MAD1L1: variants seen among roughly 807,000 people sequenced by gnomAD.
MAD1L1 encodes mitotic arrest deficient 1 like 1, also known as mitotic spindle assembly checkpoint protein MAD1.
A neutral mutation model predicts 96.9 loss-of-function variants in MAD1L1; 95 were observed. The ratio of observed to expected loss-of-function variants is 0.98; its 90% CI spans 0.83 to 1.16. The LOEUF (loss-of-function observed/expected upper bound fraction) is 1.16. MAD1L1 is among the 50% of genes most tolerant of loss of function. MAD1L1 has a pLI of 0.00. For missense variants in MAD1L1, 1,007 were observed against 954.4 expected (o/e 1.06, Z -0.73); for synonymous variants, 473 against 396.6 (o/e 1.19, Z -2.29).
chr7:2,073,580 T>A (rs1360241275), intron 11 of MAD1L1, among the ~76,000 whole-genome samples: 1 of 152,218 alleles, frequency 6.6e-6, no homozygotes, highest in African/African-American at 2.4e-5. Flanking sequence ...CCTCCGCCAC[T>A]CTCGCCTCTC....
chr7:2,094,153 GGTGGCCTCA>G (rs1786355405), intron 11 of MAD1L1, among the ~76,000 whole-genome samples: 1 of 152,216 alleles, frequency 6.6e-6, no homozygotes, highest in Non-Finnish European at 1.5e-5. Flanking sequence ...GCTGGGAACA[GGTGGCCTCA>G]ACGCCAGCCA....
In MAD1L1 at chr7:1,968,178, G is replaced by T. The variant is rs540570602; in HGVS notation, c.1506-10459C>A. Among the ~76,000 whole-genome samples, 1 of 152,356 alleles carries T rather than the reference G, an allele frequency of 6.6e-6. No individual in the cohort carries two copies. Among genetic ancestry groups the T allele is most frequent in the South Asian group, 2.1e-4 (1 of 4,830 alleles). Reference sequence around the variant, plus strand: ...AAGTGCAAACAGCTTCGCGGACGAGGCACCCGGCAGAGCACGCCTCAATCC... The same window carrying T: ...AAGTGCAAACAGCTTCGCGGACGAGTCACCCGGCAGAGCACGCCTCAATCC... On this transcript the variant is annotated intron_variant, in intron 15 of 18. Coordinates refer to ENST00000265854, the MANE Select transcript of MAD1L1 (RefSeq NM_001013836.2). The surrounding 1 kb of genome is among the most constrained non-coding windows in gnomAD (Gnocchi z 5.6).
chr7:2,047,962 A>G (rs1784002721), intron 12 of MAD1L1, among the ~76,000 whole-genome samples: 1 of 152,184 alleles, frequency 6.6e-6, no homozygotes, highest in African/African-American at 2.4e-5. Context: ...ACACGTGCAC[A>G]CTCACATGAT....
chr7:2,164,650 C>CA (rs1236032805), intron 10 of MAD1L1, among the ~76,000 whole-genome samples: 4 of 147,774 alleles, frequency 2.7e-5, no homozygotes, highest in African/African-American at 7.5e-5. Context: ...ACAGTTGCAC[C>CA]AAAAAAAAAT....
chr7:2,150,010 TC>T (rs1789491433), intron 10 of MAD1L1, among the ~76,000 whole-genome samples: 2 of 152,152 alleles, frequency 1.3e-5, no homozygotes, highest in Admixed American at 1.3e-4. Flanking sequence ...CGAGGACCCA[TC>T]CTTGTTCTTC....
chr7:1,992,788 G>A (rs1465953930), intron 14 of MAD1L1, among the ~76,000 whole-genome samples: 2 of 152,220 alleles, frequency 1.3e-5, no homozygotes, highest in African/African-American at 2.4e-5. Flanking sequence ...CAGGACAGGT[G>A]GATGTGAGGA....
At chr7:2,051,930 G>A (rs978429688) in intron 12 of MAD1L1, among the ~76,000 whole-genome samples, 1 of 152,092 alleles carries the variant, frequency 6.6e-6, no homozygotes, top group African/African-American at 2.4e-5. Flanking sequence ...TCACTGGGAA[G>A]TCTTTTGTTA....
chr7:2,225,233 A>G (rs1186435107), intron 4 of MAD1L1, among the ~76,000 whole-genome samples, 177 bp downstream of exon 4: 1 of 38,906 alleles, frequency 2.6e-5, no homozygotes, highest in Non-Finnish European at 8.9e-5. Flanking sequence ...GGTACCGTGC[A>G]CAGCCCCCTT....
intron 17 of MAD1L1, among the ~76,000 whole-genome samples, chr7:1,923,282 G>A (rs1477273723): frequency 6.6e-6 from 1 of 152,218 alleles, no homozygotes; most frequent in African/African-American, 2.4e-5. Flanking sequence ...CTGGTTGGGT[G>A]TTTGCCCTGG....
chr7:2,183,153 C>A (rs1360409230), intron 10 of MAD1L1, among the ~76,000 whole-genome samples: 1 of 151,578 alleles, frequency 6.6e-6, no homozygotes, highest in Non-Finnish European at 1.5e-5. Context: ...TTAGAGGCTG[C>A]TGTGAACTAT....
intron 11 of MAD1L1, among the ~76,000 whole-genome samples, chr7:2,094,831 G>A (rs1786400115): frequency 6.6e-6 from 1 of 152,218 alleles, no homozygotes; most frequent in African/African-American, 2.4e-5. Flanking sequence ...CAGGGCGATG[G>A]GAACTGGGTG....
intron 12 of MAD1L1, among the ~76,000 whole-genome samples, chr7:2,039,840 T>C (rs1339920209): frequency 6.6e-6 from 1 of 152,132 alleles, no homozygotes; most frequent in Non-Finnish European, 1.5e-5. Flanking sequence ...ACAGGAACTT[T>C]CACGGGGCAA....
At chr7:2,210,384 T>C (rs1471110647) in intron 10 of MAD1L1, among the ~76,000 whole-genome samples, 2 of 151,954 alleles carry the variant, frequency 1.3e-5, no homozygotes, top group Non-Finnish European at 2.9e-5. Context: ...AATGCACACG[T>C]TTACCAAACC....
chr7:1,849,001 G>A (rs1946873992), intron 18 of MAD1L1: 1 of 153,718 alleles, frequency 6.5e-6, no homozygotes, highest in Non-Finnish European at 1.5e-5. Context: ...GCACAGAGGC[G>A]ACGGCATGTA....
At chr7:1,887,734 T>G (rs893743307) in intron 18 of MAD1L1, among the ~76,000 whole-genome samples, 34 of 151,196 alleles carry the variant, frequency 2.2e-4, no homozygotes, top group Non-Finnish European at 4.4e-4. Flanking sequence ...TGCATGTATG[T>G]GGCTTCCTGT....
chr7:1,987,458 C>T (rs557223349), intron 14 of MAD1L1, among the ~76,000 whole-genome samples: 165 of 152,288 alleles, frequency 1.1e-3, no homozygotes, highest in Non-Finnish European at 2.0e-3. Flanking sequence ...CCGGATGAAG[C>T]GAAGAGAGCC....
intron 10 of MAD1L1, among the ~76,000 whole-genome samples, chr7:2,172,510 A>G (rs1790753815): frequency 6.6e-6 from 1 of 152,212 alleles, no homozygotes; most frequent in Non-Finnish European, 1.5e-5. Flanking sequence ...CTCTGGGAAA[A>G]GGCACAAACA....
At chr7:2,209,151 G>A (rs545444852) in intron 10 of MAD1L1, among the ~76,000 whole-genome samples, 17 of 152,292 alleles carry the variant, frequency 1.1e-4, no homozygotes, top group African/African-American at 3.9e-4. Flanking sequence ...CCAGGCCTGT[G>A]TGACACATAA....
intron 11 of MAD1L1, among the ~76,000 whole-genome samples, chr7:2,087,593 G>A (rs1223131517): frequency 1.3e-5 from 2 of 152,152 alleles, no homozygotes; most frequent in African/African-American, 4.8e-5. Flanking sequence ...AGCCCAAATG[G>A]AATACAACTG....
Sources: allele counts gnomAD v4.1 joint callset (sites outside exome capture counted in the v4.1 genomes callset), GRCh38; gene constraint gnomAD v4.1.1; non-coding constraint Gnocchi (gnomAD v3.1); transcripts MANE v1.5; gene names NCBI Gene and HGNC (gene_info 2026-07-23, HGNC 2026-07-21).